KCNQ3: variants seen among roughly 807,000 people sequenced by gnomAD.
KCNQ3 encodes the protein potassium voltage-gated channel subfamily KQT member 3.
Under a neutral mutation model 92.5 loss-of-function variants are expected in KCNQ3, and 30 were observed. The ratio of observed to expected loss-of-function variants is 0.32; its 90% CI spans 0.24 to 0.44. The LOEUF (loss-of-function observed/expected upper bound fraction) is 0.44, where lower values mean the gene tolerates loss of function less well. Among genes scored for constraint, KCNQ3 ranks in the 20% least tolerant of loss-of-function variants. The pLI is 1.00. For missense variants in KCNQ3, 913 were observed against 1,140.3 expected, an observed-to-expected ratio of 0.80 and a Z score of 2.87; for synonymous variants, 450 against 468.8, an observed-to-expected ratio of 0.96 and a Z score of 0.52.
At chr8:132,187,458 C>A (rs903846043) in intron 1 of KCNQ3, among the ~76,000 whole-genome samples, 2 of 152,204 alleles carry the variant, frequency 1.3e-5, no homozygotes, top group African/African-American at 4.8e-5. Context: ...ATCTATAAAC[C>A]TGCTGATCTT....
At chr8:132,277,902 T>C (rs769146973) in intron 1 of KCNQ3, 14 of 973,778 alleles carry the variant, frequency 1.4e-5, no homozygotes, top group Non-Finnish European at 1.7e-5. Flanking sequence ...TGTCTCTGCT[T>C]CCTGCTCCTA....
At chr8:132,162,512 G>A (rs1172339235) in intron 9 of KCNQ3, among the ~76,000 whole-genome samples, 7 of 152,098 alleles carry the variant, frequency 4.6e-5, no homozygotes, top group African/African-American at 1.4e-4. Flanking sequence ...CTCTGCCTCT[G>A]GGAGCCACGA....
intron 1 of KCNQ3, among the ~76,000 whole-genome samples, chr8:132,253,534 G>T (rs1410296058): frequency 6.6e-6 from 1 of 152,268 alleles, no homozygotes; most frequent in East Asian, 1.9e-4. Flanking sequence ...TGCACTTAAG[G>T]CTATGTGACT....
chr8:132,274,445 A>T (rs1816261517), intron 1 of KCNQ3, among the ~76,000 whole-genome samples: 2 of 152,190 alleles, frequency 1.3e-5, no homozygotes, highest in African/African-American at 2.4e-5. Context: ...ATTCAAGATG[A>T]GATTTGGGTG....
intron 1 of KCNQ3, among the ~76,000 whole-genome samples, chr8:132,279,939 T>C (rs1816462456): frequency 6.6e-6 from 1 of 152,110 alleles, no homozygotes; most frequent in African/African-American, 2.4e-5. Context: ...TTTGACAAAT[T>C]CCATAAAGAA....
intron 1 of KCNQ3, among the ~76,000 whole-genome samples, chr8:132,442,296 A>G (rs1437008920): frequency 6.6e-6 from 1 of 152,182 alleles, no homozygotes; most frequent in Non-Finnish European, 1.5e-5. Flanking sequence ...GCATCTGTGA[A>G]GCCCACTCTG....
At position 132,123,425 on chromosome 8, in the gene KCNQ3, G is replaced by A. The variant is rs1035773827; in HGVS notation, c.*5837C>T. On this transcript the variant is annotated 3_prime_UTR_variant, in exon 15 of 15. Coordinates refer to ENST00000388996, the MANE Select transcript of KCNQ3 (RefSeq NM_004519.4). ...GAAGACAGCAGGAATCTGGGAGAAG[G>A]AACATCATCGTCTTTCACAGCATGG... 1 of 152,196 alleles carries A rather than the reference G, an allele frequency of 6.6e-6. No individual in the cohort carries two copies. The highest frequency in any genetic ancestry group is 2.4e-5 in the African/African-American group (1 of 41,456). 9.4% of individuals were successfully genotyped at this position (152,196 alleles called of 1,614,324 possible). A position where few individuals can be genotyped will look rare whatever the true frequency, so the allele number is the denominator to read the frequency against.
intron 1 of KCNQ3, among the ~76,000 whole-genome samples, chr8:132,320,410 C>A (rs143887814): frequency 6.6e-6 from 1 of 152,110 alleles, no homozygotes; most frequent in Non-Finnish European, 1.5e-5. Flanking sequence ...GTCTTTCTTG[C>A]CTGTTTTGCC....
chr8:132,240,357 T>C (rs146554866), intron 1 of KCNQ3, among the ~76,000 whole-genome samples: 418 of 152,166 alleles, frequency 2.7e-3, no homozygotes, highest in African/African-American at 9.4e-3. Context: ...CAGCTAACTT[T>C]GTATTTTTAG....
intron 1 of KCNQ3, among the ~76,000 whole-genome samples, chr8:132,276,606 T>A (rs1816339779): frequency 6.6e-6 from 1 of 152,178 alleles, no homozygotes. Flanking sequence ...TCACAATGTG[T>A]CTCCTCTCAC....
At chr8:132,243,748 G>A (rs1815068257) in intron 1 of KCNQ3, among the ~76,000 whole-genome samples, 2 of 152,166 alleles carry the variant, frequency 1.3e-5, no homozygotes, top group African/African-American at 2.4e-5. Flanking sequence ...ATGGTTTGAT[G>A]TACACAGTAA....
At chr8:132,297,286 T>A (rs923544749) in intron 1 of KCNQ3, among the ~76,000 whole-genome samples, 13 of 152,170 alleles carry the variant, frequency 8.5e-5, no homozygotes, top group Non-Finnish European at 1.9e-4. Flanking sequence ...AGATTCTGGA[T>A]ATTAGCCCTT....
chr8:132,151,474 A>C (rs935712804), intron 9 of KCNQ3, among the ~76,000 whole-genome samples: 17 of 152,252 alleles, frequency 1.1e-4, no homozygotes, highest in Non-Finnish European at 1.8e-4. Flanking sequence ...AATCTTACAA[A>C]ATTCCATGTG....
chr8:132,170,879 C>T (rs1403668283), intron 7 of KCNQ3, among the ~76,000 whole-genome samples: 4 of 150,290 alleles, frequency 2.7e-5, no homozygotes, highest in Non-Finnish European at 4.4e-5. Context: ...CAAAGCTGGG[C>T]TTGGTGGCAC....
intron 1 of KCNQ3, among the ~76,000 whole-genome samples, chr8:132,410,733 T>A (rs954207917): frequency 1.3e-5 from 2 of 152,222 alleles, no homozygotes; most frequent in Non-Finnish European, 2.9e-5. Context: ...GAATTTGGGA[T>A]ATGCTGAGTT....
intron 1 of KCNQ3, among the ~76,000 whole-genome samples, chr8:132,290,881 C>T (rs1200592778): frequency 6.6e-6 from 1 of 152,100 alleles, no homozygotes; most frequent in Non-Finnish European, 1.5e-5. Flanking sequence ...GGTGAGATTT[C>T]CTAGGCACCG....
rs150057519 is a variant in KCNQ3 at position 132,327,145 on chromosome 8, A to T, written c.387-140964T>A. Among the ~76,000 whole-genome samples, 563 of 152,316 alleles carry T rather than the reference A, an allele frequency of 3.7e-3. 4 individuals carry two copies. Among genetic ancestry groups the T allele is most frequent in the African/African-American group, 0.012 (501 of 41,570 alleles). The stretch of plus-strand genomic sequence containing the variant: ...GCAAGGCATGGAGGCAGGTGCTGAA[A>T]AATCAGAGGTGAATTTGACAAATTT... On this transcript the variant is annotated intron_variant, in intron 1 of 14. Coordinates refer to ENST00000388996, the MANE Select transcript of KCNQ3 (RefSeq NM_004519.4).
At chr8:132,269,677 A>G (rs1383568462) in intron 1 of KCNQ3, among the ~76,000 whole-genome samples, 1 of 152,188 alleles carries the variant, frequency 6.6e-6, no homozygotes, top group African/African-American at 2.4e-5. Flanking sequence ...TGTAGTTTAA[A>G]CCACTGCTGT....
intron 1 of KCNQ3, among the ~76,000 whole-genome samples, chr8:132,259,025 C>CTTT (rs1815687660): frequency 6.6e-6 from 1 of 151,910 alleles, no homozygotes; most frequent in South Asian, 2.1e-4. Context: ...CCATCCTTGC[C>CTTT]CCATGAAAAA....
Sources: allele counts gnomAD v4.1 joint callset (sites outside exome capture counted in the v4.1 genomes callset), GRCh38; gene constraint gnomAD v4.1.1; transcripts MANE v1.5; gene names NCBI Gene and HGNC (gene_info 2026-07-23, HGNC 2026-07-21).